Variants in SNX18 observed in about 807,000 individuals in gnomAD.
SNX18 encodes sorting nexin 18.
In SNX18, 35 loss-of-function variants were observed where a neutral mutation model predicts 48.7. The observed-to-expected ratio is 0.72, with a 90% confidence interval of 0.55 to 0.95. SNX18 has a LOEUF of 0.95. SNX18 is among the 40% of genes least tolerant of loss of function. The pLI is 0.00. For synonymous variants in SNX18, 492 were observed against 384.7 expected (o/e 1.28, Z -3.26); for missense variants, 824 against 871.0 (o/e 0.95, Z 0.68).
chr5:54,632,029 G>A, the SNX18 span, among the ~76,000 whole-genome samples: 3 of 152,208 alleles, frequency 2.0e-5, no homozygotes, highest in Non-Finnish European at 2.9e-5. Flanking sequence ...GTTCATCAGA[G>A]ATTTCAAGAA....
the SNX18 span, among the ~76,000 whole-genome samples, chr5:54,569,422 G>A: frequency 1.3e-5 from 2 of 152,306 alleles, no homozygotes; most frequent in Admixed American, 1.3e-4. Context: ...CTATCAGATA[G>A]CAACCATTTT....
At chr5:54,535,851 A>G (rs1265629193) in intron 1 of SNX18, among the ~76,000 whole-genome samples, 2 of 152,198 alleles carry the variant, frequency 1.3e-5, no homozygotes, top group African/African-American at 2.4e-5. Flanking sequence ...TGCCTTCCCC[A>G]GAGGGCATCT....
chr5:54,640,833 G>A, the SNX18 span, among the ~76,000 whole-genome samples: 1 of 152,146 alleles, frequency 6.6e-6, no homozygotes. Flanking sequence ...GCCGAGGTGG[G>A]AGAATCACTT....
chr5:54,607,657 G>A, the SNX18 span, among the ~76,000 whole-genome samples: 2 of 152,140 alleles, frequency 1.3e-5, no homozygotes, highest in African/African-American at 4.8e-5. Flanking sequence ...TATGGGCCAG[G>A]CACTGTGGCT....
chr5:54,591,085 T>C, the SNX18 span, among the ~76,000 whole-genome samples: 4 of 152,154 alleles, frequency 2.6e-5, no homozygotes, highest in African/African-American at 9.7e-5. Context: ...TCAGCTTCCA[T>C]AAATTACAGG....
At chr5:54,535,901 C>T (rs1298640095) in intron 1 of SNX18, among the ~76,000 whole-genome samples, 1 of 152,178 alleles carries the variant, frequency 6.6e-6, no homozygotes, top group African/African-American at 2.4e-5. Context: ...GGGCTCCTGC[C>T]TCTCATTTAG....
chr5:54,611,860 T>TTTCTTC, the SNX18 span, among the ~76,000 whole-genome samples: 1 of 150,284 alleles, frequency 6.7e-6, no homozygotes, highest in African/African-American at 2.5e-5. Context: ...ATTCTGGAAT[T>TTTCTTC]TTCTTCTTCT....
At chr5:54,647,409 C>A in the SNX18 span, among the ~76,000 whole-genome samples, 1 of 152,106 alleles carries the variant, frequency 6.6e-6, no homozygotes, top group African/African-American at 2.4e-5. Flanking sequence ...ACGAGTGATG[C>A]TTGATCTCAG....
At chr5:54,621,483 T>C in the SNX18 span, among the ~76,000 whole-genome samples, 2 of 152,162 alleles carry the variant, frequency 1.3e-5, no homozygotes, top group African/African-American at 4.8e-5. Flanking sequence ...TTTTCTAAAA[T>C]AGCAACAGCT....
the SNX18 span, among the ~76,000 whole-genome samples, chr5:54,603,222 T>C: frequency 7.7e-6 from 1 of 130,618 alleles, no homozygotes; most frequent in Admixed American, 8.2e-5. Context: ...TGTTTGGAAA[T>C]TATTTAAAAA....
rs898796798 is a variant in SNX18, at chr5:54,544,833, A to T, written c.*1401A>T. 3 of 152,100 alleles carry T rather than the reference A, an allele frequency of 2.0e-5. No individual in the cohort carries two copies. Among genetic ancestry groups the T allele is most frequent in the African/African-American group, 7.2e-5 (3 of 41,424 alleles). 9.4% of individuals were successfully genotyped at this position (152,100 alleles called of 1,614,324 possible). On this transcript the variant is annotated 3_prime_UTR_variant, in exon 2 of 2. Coordinates refer to ENST00000381410, the MANE Select transcript of SNX18 (RefSeq NM_001102575.2). ...GCTGAGCTAACTAATGTGATTATTG[A>T]GTTTACAGATTTAAAAATTGTCACT... is the stretch of plus-strand genomic sequence containing the variant.
intron 1 of SNX18, chr5:54,521,020 A>G (rs1762022131): frequency 6.1e-6 from 1 of 163,810 alleles, no homozygotes; most frequent in Admixed American, 6.5e-5. Flanking sequence ...GCCTTTTTTT[A>G]AAACATAAAT....
the SNX18 span, among the ~76,000 whole-genome samples, chr5:54,592,403 C>T: frequency 2.4e-4 from 36 of 152,224 alleles, no homozygotes; most frequent in Non-Finnish European, 8.8e-5. Flanking sequence ...CCATGGACAA[C>T]AAATTGCTCT....
the SNX18 span, among the ~76,000 whole-genome samples, chr5:54,583,454 G>A: frequency 6.6e-6 from 1 of 152,180 alleles, no homozygotes; most frequent in African/African-American, 2.4e-5. Flanking sequence ...TTGCTATCTG[G>A]AGAAGCTGTG....
At chr5:54,631,655 T>C in the SNX18 span, among the ~76,000 whole-genome samples, 10 of 144,498 alleles carry the variant, frequency 6.9e-5, no homozygotes, top group East Asian at 1.7e-3. Context: ...GAAGATATCA[T>C]CATATATGAA....
At chr5:54,613,540 TTG>T in the SNX18 span, among the ~76,000 whole-genome samples, 1 of 152,160 alleles carries the variant, frequency 6.6e-6, no homozygotes, top group Non-Finnish European at 1.5e-5. Context: ...TGCTGTTGCA[TTG>T]GGGATGTTTC....
At chr5:54,526,999 G>T (rs909838927) in intron 1 of SNX18, among the ~76,000 whole-genome samples, 1 of 152,000 alleles carries the variant, frequency 6.6e-6, no homozygotes, top group African/African-American at 2.4e-5. Context: ...CTAAAGTAAG[G>T]CCCTGGGGTG....
At chr5:54,553,396 G>A in the SNX18 span, among the ~76,000 whole-genome samples, 3 of 151,930 alleles carry the variant, frequency 2.0e-5, no homozygotes, top group Non-Finnish European at 1.5e-5. Flanking sequence ...GCAACAGGTC[G>A]GGGAGCTGAT....
chr5:54,604,535 T>C, the SNX18 span, among the ~76,000 whole-genome samples: 65,328 of 152,088 alleles, frequency 0.43, 14,132 homozygotes, highest in South Asian at 0.58. Context: ...TATTGTGTCA[T>C]TCCACTGATA....
Sources: gnomAD v4.1 joint callset for allele counts (sites outside exome capture counted in the v4.1 genomes callset) on GRCh38, gnomAD v4.1.1 for gene constraint, MANE v1.5 for transcripts, NCBI Gene and HGNC (gene_info 2026-07-23, HGNC 2026-07-21) for gene names.